Variants in RABGAP1L observed in about 807,000 individuals in gnomAD.
RABGAP1L encodes rab GTPase-activating protein 1-like.
A neutral mutation model predicts 137.7 loss-of-function variants in RABGAP1L; 63 were observed. The ratio of observed to expected loss-of-function variants is 0.46; its 90% CI spans 0.37 to 0.56. The LOEUF (loss-of-function observed/expected upper bound fraction) is 0.56, where lower values mean the gene tolerates loss of function less well. Ranked by LOEUF, RABGAP1L falls within the 20% of genes least tolerant of loss-of-function variation. The pLI is 0.00. For missense variants in RABGAP1L, 1,095 were observed against 1,244.0 expected, an observed-to-expected ratio of 0.88 and a Z score of 1.80; for synonymous variants, 431 against 433.7, an observed-to-expected ratio of 0.99 and a Z score of 0.08.
At chr1:174,175,621 T>A (rs945450491) in intron 1 of RABGAP1L, among the ~76,000 whole-genome samples, 2 of 143,796 alleles carry the variant, frequency 1.4e-5, no homozygotes, top group Non-Finnish European at 3.0e-5. Flanking sequence ...CACGCCCGGC[T>A]ACTTTTTTTT....
intron 1 of RABGAP1L, among the ~76,000 whole-genome samples, chr1:174,207,285 G>C (rs1320858147): frequency 1.3e-5 from 2 of 152,138 alleles, no homozygotes; most frequent in Non-Finnish European, 2.9e-5. Context: ...GCGTTGAAAT[G>C]GATGTATTAG....
intron 10 of RABGAP1L, among the ~76,000 whole-genome samples, chr1:174,303,431 T>C (rs1677911401): frequency 1.3e-5 from 2 of 152,190 alleles, no homozygotes; most frequent in African/African-American, 4.8e-5. Context: ...TATTGTACTT[T>C]GTATTTAATA....
rs182021687 is a variant in RABGAP1L at position 174,782,233 on chromosome 1, T to C, written c.2212-29599T>C. ...TTCCTCCATTCGTTTGTGCCCTCTT[T>C]TATTTCATTGAGCAGTGGTTTGCAG... On this transcript the variant is annotated intron_variant, in intron 18 of 25. Transcript: ENST00000681986. 5.3e-5 allele frequency among the ~76,000 whole-genome samples: 8 copies of C among 152,334 alleles called. No individual in the cohort carries two copies. The East Asian group carries it at 1.5e-3, about 29-fold the overall frequency.
chr1:174,474,547 T>TA (rs1169374928), intron 13 of RABGAP1L, among the ~76,000 whole-genome samples: 24 of 152,152 alleles, frequency 1.6e-4, no homozygotes, highest in African/African-American at 5.8e-4. Context: ...TACCACTTAT[T>TA]ACCTGTTGAC....
chr1:174,471,152 T>C (rs564221667), intron 13 of RABGAP1L, among the ~76,000 whole-genome samples: 1 of 152,346 alleles, frequency 6.6e-6, no homozygotes, highest in Admixed American at 6.5e-5. Context: ...ATTTCTATAT[T>C]CGTGTATGTT....
intron 13 of RABGAP1L, among the ~76,000 whole-genome samples, chr1:174,623,258 G>A (rs1163778390): frequency 6.6e-6 from 1 of 152,138 alleles, no homozygotes; most frequent in Non-Finnish European, 1.5e-5. Context: ...AAATTTACTC[G>A]TGAGAATACC....
chr1:174,463,705 T>C (rs2149288313), intron 13 of RABGAP1L, among the ~76,000 whole-genome samples: 1 of 151,486 alleles, frequency 6.6e-6, no homozygotes, highest in East Asian at 1.9e-4. Flanking sequence ...CCAACAAAGA[T>C]ATGAAAAAAA....
chr1:174,419,568 T>C (rs1025829518), intron 13 of RABGAP1L, among the ~76,000 whole-genome samples: 4 of 152,236 alleles, frequency 2.6e-5, no homozygotes, highest in African/African-American at 9.6e-5. Flanking sequence ...TTCATTGTAA[T>C]AGAGAGTTCA....
intron 13 of RABGAP1L, among the ~76,000 whole-genome samples, chr1:174,409,721 C>G (rs1170357915): frequency 1.3e-5 from 2 of 152,106 alleles, no homozygotes; most frequent in Non-Finnish European, 2.9e-5. Flanking sequence ...TAAACGGCCA[C>G]TCTGGAAGTA....
chr1:174,757,095 C>A, intron 18 of RABGAP1L: 1 of 501,452 alleles, frequency 2.0e-6, no homozygotes, highest in Non-Finnish European at 4.1e-6. Context: ...GCCACAAAGT[C>A]TCGGTGCTTT....
At chr1:174,494,545 A>G (rs1383584027) in intron 13 of RABGAP1L, among the ~76,000 whole-genome samples, 1 of 152,200 alleles carries the variant, frequency 6.6e-6, no homozygotes, top group African/African-American at 2.4e-5. Context: ...AGTCTTAATC[A>G]TTAATTGTTT....
chr1:174,689,840 A>G (rs1678749368), intron 15 of RABGAP1L, among the ~76,000 whole-genome samples: 2 of 152,284 alleles, frequency 1.3e-5, no homozygotes, highest in African/African-American at 2.4e-5. Flanking sequence ...GTCTTCCTAT[A>G]GGAAGAGGGG....
intron 11 of RABGAP1L, among the ~76,000 whole-genome samples, chr1:174,368,851 A>G (rs1230666258): frequency 9.9e-5 from 15 of 152,196 alleles, no homozygotes; most frequent in Non-Finnish European, 1.9e-4. Flanking sequence ...CAAGAGTATT[A>G]TGAATTTGAA....
chr1:174,580,092 A>ACTTATGAAACTTATTGTACT (rs142639201), intron 13 of RABGAP1L, among the ~76,000 whole-genome samples: 13,682 of 152,248 alleles, frequency 0.09, 838 homozygotes, highest in East Asian at 0.22. Context: ...GGTTTATTAT[A>ACTTATGAAACTTATTGTACT]TATGAAACCA....
At chr1:174,769,735 C>T (rs766992150) in intron 18 of RABGAP1L, among the ~76,000 whole-genome samples, 25 of 152,020 alleles carry the variant, frequency 1.6e-4, no homozygotes, top group Non-Finnish European at 2.8e-4. Flanking sequence ...CGCCTGTAGT[C>T]CCAGCGACTC....
At chr1:174,415,142 T>G (rs1447353641) in intron 13 of RABGAP1L, among the ~76,000 whole-genome samples, 5 of 152,160 alleles carry the variant, frequency 3.3e-5, no homozygotes, top group African/African-American at 4.8e-5. Context: ...TTAACATTAT[T>G]CGTTAGATTG....
intron 19 of RABGAP1L, among the ~76,000 whole-genome samples, chr1:174,886,259 G>A (rs1037068722): frequency 2.0e-5 from 3 of 151,994 alleles, no homozygotes; most frequent in Non-Finnish European, 4.4e-5. Flanking sequence ...TGGTCTTCCC[G>A]CCTTGACCTC....
At chr1:174,407,934 A>G (rs1210448539) in intron 13 of RABGAP1L, among the ~76,000 whole-genome samples, 1 of 152,194 alleles carries the variant, frequency 6.6e-6, no homozygotes, top group Non-Finnish European at 1.5e-5. Flanking sequence ...TTAGCATTAC[A>G]CGGCATTTCA....
intron 13 of RABGAP1L, among the ~76,000 whole-genome samples, chr1:174,547,264 G>C (rs957778539): frequency 2.0e-5 from 3 of 152,042 alleles, no homozygotes; most frequent in Non-Finnish European, 4.4e-5. Context: ...GCATTTAGCA[G>C]ACCAGTTCTC....
Sources: gnomAD v4.1 joint callset for allele counts (sites outside exome capture counted in the v4.1 genomes callset) on GRCh38, gnomAD v4.1.1 for gene constraint, MANE v1.5 for transcripts, NCBI Gene and HGNC (gene_info 2026-07-23, HGNC 2026-07-21) for gene names.